ERG: variants seen among roughly 807,000 people sequenced by gnomAD.
ERG encodes the protein ETS transcription factor ERG.
A neutral mutation model predicts 55.3 loss-of-function variants in ERG; 9 were observed. That is an observed-to-expected ratio of 0.16 (90% CI 0.10 to 0.28). The LOEUF is 0.28. Among genes scored for constraint, ERG ranks in the 10% least tolerant of loss-of-function variants. The pLI is 1.00. For synonymous variants in ERG, 223 were observed against 237.3 expected (o/e 0.94, Z 0.55); for missense variants, 434 against 631.6 (o/e 0.69, Z 3.35).
intron 5 of ERG, among the ~76,000 whole-genome samples, chr21:38,401,906 ATAAC>A (rs1230422320): frequency 2.0e-5 from 3 of 152,346 alleles, no homozygotes; most frequent in African/African-American, 7.2e-5. Flanking sequence ...AAATAAATAC[ATAAC>A]TAAGTCAAAT....
intron 1 of ERG, among the ~76,000 whole-genome samples, chr21:38,618,254 G>A (rs892305364): frequency 5.9e-5 from 9 of 151,832 alleles, no homozygotes; most frequent in African/African-American, 2.2e-4. Context: ...AAACAGCCTT[G>A]TCATGAAACA....
chr21:38,622,735 A>G (rs1276479670), intron 1 of ERG, among the ~76,000 whole-genome samples: 6 of 142,910 alleles, frequency 4.2e-5, no homozygotes, highest in Non-Finnish European at 9.2e-5. Context: ...ACCACACCAC[A>G]CACACCACAT....
the ERG span, among the ~76,000 whole-genome samples, chr21:38,370,664 C>T: frequency 7.2e-5 from 11 of 151,928 alleles, no homozygotes; most frequent in South Asian, 1.9e-3. Flanking sequence ...TGTTTGGCCT[C>T]ATTTATTGAA....
rs553397664 is a variant in ERG, at chr21:38,427,957, T to C, written c.237-4396A>G. On this transcript the variant is annotated intron_variant, in intron 2 of 9. Coordinates refer to ENST00000288319, the MANE Select transcript of ERG (RefSeq NM_182918.4). ...ATCCCAGCATTTTGGGAGGCCAAGATAGGTGAATTGTTTTAGCTCAGGAGT... is the reference window on the plus strand; with the variant it reads ...ATCCCAGCATTTTGGGAGGCCAAGACAGGTGAATTGTTTTAGCTCAGGAGT... Among the ~76,000 whole-genome samples, 16 of 152,124 alleles carry C rather than the reference T, an allele frequency of 1.1e-4. No homozygotes were observed. In the South Asian group the frequency reaches 2.9e-3, roughly 28 times the overall value.
chr21:38,408,637 C>A (rs1988890600), intron 3 of ERG, among the ~76,000 whole-genome samples: 1 of 152,144 alleles, frequency 6.6e-6, no homozygotes, highest in South Asian at 2.1e-4. Context: ...TGGTCCTAAC[C>A]TTTTAACTCC....
intron 6 of ERG, among the ~76,000 whole-genome samples, chr21:38,398,997 A>G (rs1380476489): frequency 2.6e-5 from 4 of 152,206 alleles, no homozygotes; most frequent in Non-Finnish European, 5.9e-5. Context: ...ATATGGAAAT[A>G]TTTTTTAAAT....
chr21:38,500,648 T>C (rs959734228), upstream of ERG, among the ~76,000 whole-genome samples: 1 of 152,210 alleles, frequency 6.6e-6, no homozygotes, highest in Non-Finnish European at 1.5e-5. Flanking sequence ...TATTTATGTA[T>C]AACATACATG....
chr21:38,650,509 C>T (rs2060482656), intron 1 of ERG, among the ~76,000 whole-genome samples: 1 of 152,100 alleles, frequency 6.6e-6, no homozygotes, highest in African/African-American at 2.4e-5. Flanking sequence ...TGGTGGTGTG[C>T]ACCTGTAGTC....
chr21:38,576,098 C>A (rs1250022184), intron 1 of ERG, among the ~76,000 whole-genome samples: 3 of 152,234 alleles, frequency 2.0e-5, no homozygotes, highest in Admixed American at 2.0e-4. Context: ...TAAAACAGGG[C>A]ATACTTCTCT....
intron 2 of ERG, among the ~76,000 whole-genome samples, chr21:38,436,012 CTTTTTTTCTTT>C (rs1000892955): frequency 2.0e-5 from 2 of 100,808 alleles, no homozygotes; most frequent in African/African-American, 8.0e-5. Flanking sequence ...ATTTTACTTT[CTTTTTTTCTTT>C]TTTTTTTTTT....
intron 1 of ERG, among the ~76,000 whole-genome samples, chr21:38,468,575 T>C (rs748892037): frequency 3.3e-4 from 50 of 152,246 alleles, no homozygotes; most frequent in Admixed American, 1.5e-3. Flanking sequence ...GAGGAAAGAA[T>C]TGAACATTCT....
At chr21:38,418,927 C>T in intron 3 of ERG, among the ~76,000 whole-genome samples, 1 of 80,898 alleles carries the variant, frequency 1.2e-5, no homozygotes, top group South Asian at 4.7e-4. Context: ...GACTTTGTCT[C>T]AAAAAAAAAA....
chr21:38,527,347 G>A (rs1212880630), intron 2 of ERG, among the ~76,000 whole-genome samples: 2 of 152,196 alleles, frequency 1.3e-5, no homozygotes, highest in Non-Finnish European at 2.9e-5. Flanking sequence ...GCTACGTCCT[G>A]GACCTGTGGA....
At chr21:38,408,536 C>T (rs1005333470) in intron 3 of ERG, among the ~76,000 whole-genome samples, 1 of 152,212 alleles carries the variant, frequency 6.6e-6, no homozygotes, top group Admixed American at 6.5e-5. Context: ...TGAACTCCAC[C>T]TCCACTACTT....
In ERG at chr21:38,614,254, G is replaced by A. The variant is rs117405775; in HGVS notation, c.-149-29309C>T. On this transcript the variant is annotated intron_variant, in intron 1 of 10. Coordinates refer to the ERG transcript ENST00000398910. Reference sequence around the variant, plus strand: ...ATGTGATGTCAAAGTATGGGAGAACGTTGGATAGCATTAATGTCTAGTCAA... The same window carrying A: ...ATGTGATGTCAAAGTATGGGAGAACATTGGATAGCATTAATGTCTAGTCAA... Among the ~76,000 whole-genome samples, 760 of 152,276 alleles carry A rather than the reference G, an allele frequency of 5.0e-3. 4 individuals carry two copies. Among genetic ancestry groups the A allele is most frequent in the Non-Finnish European group, 8.1e-3 (551 of 68,024 alleles).
intron 1 of ERG, among the ~76,000 whole-genome samples, chr21:38,494,762 C>G (rs1221836830): frequency 6.6e-6 from 1 of 152,222 alleles, no homozygotes; most frequent in Non-Finnish European, 1.5e-5. Context: ...ACAGATGGAG[C>G]CATTCTCAAT....
At chr21:38,585,908 T>A (rs376802930), upstream of ERG, among the ~76,000 whole-genome samples, 1 of 150,144 alleles carries the variant, frequency 6.7e-6, no homozygotes, top group South Asian at 2.1e-4. Context: ...GGGAAAAAAA[T>A]CAGGGTACTA....
the ERG span, among the ~76,000 whole-genome samples, chr21:38,370,955 G>A: frequency 1.3e-5 from 2 of 151,398 alleles, no homozygotes; most frequent in Non-Finnish European, 3.0e-5. Context: ...TGTACTGCCG[G>A]ATTTTTTTTT....
At chr21:38,400,338 C>T in intron 6 of ERG, 1 of 627,764 alleles carries the variant, frequency 1.6e-6, no homozygotes, top group Non-Finnish European at 3.0e-6. Flanking sequence ...GCCCATCTGT[C>T]TTTCTGAAAA....
Sources: gnomAD v4.1 joint callset for allele counts (sites outside exome capture counted in the v4.1 genomes callset) on GRCh38, gnomAD v4.1.1 for gene constraint, MANE v1.5 for transcripts, NCBI Gene and HGNC (gene_info 2026-07-23, HGNC 2026-07-21) for gene names.